Variants in CELF2 observed in about 807,000 individuals in gnomAD.
The protein encoded by CELF2 is CUGBP Elav-like family member 2.
CELF2 carries 8 observed loss-of-function variants against 62.6 expected under a neutral mutation model. That is an observed-to-expected ratio of 0.13 (90% CI 0.07 to 0.23). The LOEUF is 0.23. Among genes scored for constraint, CELF2 ranks in the 10% least tolerant of loss-of-function variants. CELF2 has a pLI of 1.00. For missense variants in CELF2, 333 were observed against 671.0 expected, an observed-to-expected ratio of 0.50 and a Z score of 5.56; for synonymous variants, 258 against 250.0, an observed-to-expected ratio of 1.03 and a Z score of -0.30.
the CELF2 span, among the ~76,000 whole-genome samples, chr10:10,581,050 G>A: frequency 6.6e-6 from 1 of 152,190 alleles, no homozygotes; most frequent in African/African-American, 2.4e-5. Context: ...CAGAGATAAT[G>A]TGTTTTTGTG....
At position 11,316,383 on chromosome 10, in the gene CELF2, C is replaced by T. The variant is rs984404855; in HGVS notation, c.1096+2125C>T. ...TTGGAAAGTGTTACTAATGCAGAGC[C>T]GTTTTACAATCTCCAGCATTGACCT... On this transcript the variant is annotated intron_variant, in intron 10 of 12. Coordinates refer to ENST00000633077, the MANE Select transcript of CELF2 (RefSeq NM_001326342.2). The surrounding 1 kb of genome is among the most constrained non-coding windows in gnomAD (Gnocchi z 4.4). Among the ~76,000 whole-genome samples, 11 of 152,156 alleles carry T rather than the reference C, an allele frequency of 7.2e-5. No individual in the cohort carries two copies. The highest frequency in any genetic ancestry group is 1.2e-4 in the African/African-American group (5 of 41,440).
the CELF2 span, among the ~76,000 whole-genome samples, chr10:10,535,570 A>C: frequency 6.6e-6 from 1 of 152,110 alleles, no homozygotes; most frequent in Non-Finnish European, 1.5e-5. Flanking sequence ...ATACAAAAAA[A>C]TTAGCTGGGC....
the CELF2 span, among the ~76,000 whole-genome samples, chr10:10,614,524 C>G: frequency 1.3e-5 from 2 of 152,168 alleles, no homozygotes; most frequent in Non-Finnish European, 2.9e-5. Context: ...TAAAATTCCA[C>G]TGTCTTCAGA....
At chr10:11,101,491 G>A (rs1029564920) in intron 1 of CELF2, among the ~76,000 whole-genome samples, 1 of 152,308 alleles carries the variant, frequency 6.6e-6, no homozygotes, top group Non-Finnish European at 1.5e-5. Flanking sequence ...CACCAGGAGA[G>A]TGTTAATGTC....
intron 4 of CELF2, among the ~76,000 whole-genome samples, chr10:11,256,664 TTA>T (rs141130379): frequency 0.43 from 30,640 of 71,358 alleles, 4,621 homozygotes; most frequent in African/African-American, 0.54. Flanking sequence ...TGTGATGTCC[TTA>T]AAAAAAAAAA....
chr10:11,015,337 A>G (rs951577300), upstream of CELF2, among the ~76,000 whole-genome samples: 2 of 152,102 alleles, frequency 1.3e-5, no homozygotes, highest in African/African-American at 4.8e-5. This position sits in a 1 kb window ranked among gnomAD's most constrained non-coding sequence, Gnocchi z 4.8. Context: ...GCTTTTGTGT[A>G]TGTGCTGTGA....
intron 1 of CELF2, among the ~76,000 whole-genome samples, chr10:10,807,971 A>G (rs1004281311): frequency 1.3e-5 from 2 of 152,290 alleles, no homozygotes; most frequent in East Asian, 3.9e-4. Flanking sequence ...GGTCTCTGAG[A>G]CAGCTTCTTT....
chr10:10,796,779 C>A, upstream of CELF2: 1 of 491,690 alleles, frequency 2.0e-6, no homozygotes, highest in Non-Finnish European at 2.6e-6. Context: ...TGGTGAAGTA[C>A]TTGGAGATTA....
the CELF2 span, among the ~76,000 whole-genome samples, chr10:10,625,006 A>G: frequency 8.3e-3 from 1,264 of 152,350 alleles, 6 homozygotes; most frequent in South Asian, 0.037. Context: ...TAAGTGGGCG[A>G]GAATATTTCT....
chr10:11,082,637 T>C (rs2074331141), intron 1 of CELF2, among the ~76,000 whole-genome samples: 2 of 152,214 alleles, frequency 1.3e-5, no homozygotes, highest in African/African-American at 4.8e-5. Flanking sequence ...CCCTTCCAGT[T>C]CTAAAAATGC....
intron 2 of CELF2, among the ~76,000 whole-genome samples, chr10:10,992,524 G>T (rs1368419185): frequency 5.9e-5 from 9 of 152,178 alleles, no homozygotes; most frequent in African/African-American, 2.2e-4. Flanking sequence ...AGGGCGCAAA[G>T]AATTGGCAAA....
intron 1 of CELF2, among the ~76,000 whole-genome samples, chr10:11,128,382 A>G (rs541795299): frequency 1.4e-4 from 22 of 152,260 alleles, no homozygotes; most frequent in Non-Finnish European, 2.6e-4. Context: ...TTGGTTCCAT[A>G]TGAACTTTTA....
chr10:11,301,456 CCCA>C (rs1311707451), intron 9 of CELF2, among the ~76,000 whole-genome samples: 1 of 67,054 alleles, frequency 1.5e-5, no homozygotes, highest in Non-Finnish European at 3.1e-5. Context: ...TCCCGCTCCC[CCCA>C]CCACTTCACC....
the CELF2 span, among the ~76,000 whole-genome samples, chr10:10,643,948 CCT>C: frequency 6.6e-6 from 1 of 152,108 alleles, no homozygotes; most frequent in African/African-American, 2.4e-5. Context: ...CTGTTTCTCC[CCT>C]GTCTTCCAAA....
the CELF2 span, among the ~76,000 whole-genome samples, chr10:10,499,636 T>C: frequency 6.6e-6 from 1 of 152,036 alleles, no homozygotes; most frequent in Non-Finnish European, 1.5e-5. Context: ...TCCCAGCACT[T>C]TGGGAGGCCA....
the CELF2 span, among the ~76,000 whole-genome samples, chr10:10,781,676 G>T: frequency 1.3e-5 from 2 of 152,180 alleles, no homozygotes; most frequent in African/African-American, 4.8e-5. Flanking sequence ...TGAGATTTGG[G>T]TGGGGACACA....
At chr10:10,791,220 T>C in the CELF2 span, among the ~76,000 whole-genome samples, 1 of 152,170 alleles carries the variant, frequency 6.6e-6, no homozygotes, top group Non-Finnish European at 1.5e-5. Context: ...TGAAATATTT[T>C]ATAGTCTACA....
intron 3 of CELF2, among the ~76,000 whole-genome samples, chr10:11,228,345 A>C (rs2067317818): frequency 6.6e-6 from 1 of 152,244 alleles, no homozygotes; most frequent in East Asian, 1.9e-4. Flanking sequence ...AAAACAAATA[A>C]GGTAGTAATT....
rs151241713 is a variant in CELF2 at position 11,302,459 on chromosome 10, G to T, written c.977-11680G>T. Reference sequence around the variant, plus strand: ...GGCGAGGCTGTAACTTTACAGTAACGATCTTCTCCATTAAATGTGTCTGTG... The same window carrying T: ...GGCGAGGCTGTAACTTTACAGTAACTATCTTCTCCATTAAATGTGTCTGTG... On this transcript the variant is annotated intron_variant, in intron 9 of 12. Transcript: ENST00000633077. This position sits in a 1 kb window ranked among gnomAD's most constrained non-coding sequence, Gnocchi z 5.0. Among the ~76,000 whole-genome samples, 477 of 152,306 alleles carry T rather than the reference G, an allele frequency of 3.1e-3. 3 individuals carry two copies. Among genetic ancestry groups the T allele is most frequent in the African/African-American group, 0.011 (454 of 41,562 alleles).
Sources: gnomAD v4.1 joint callset for allele counts (sites outside exome capture counted in the v4.1 genomes callset) on GRCh38, gnomAD v4.1.1 for gene constraint, Gnocchi (gnomAD v3.1) non-coding constraint, MANE v1.5 for transcripts, NCBI Gene and HGNC (gene_info 2026-07-23, HGNC 2026-07-21) for gene names.